Variants in C6orf120 observed in about 807,000 individuals in gnomAD.
C6orf120 encodes chromosome 6 open reading frame 120.
For synonymous variants in C6orf120, 165 were observed against 123.1 expected (o/e 1.34, Z -2.25); for missense variants, 311 against 264.2 (o/e 1.18, Z -1.23).
At position 169,702,759 on chromosome 6, in the gene C6orf120, C is replaced by T. The variant is rs752128146; in HGVS notation, c.300C>T (p.Gly100=). The change falls in exon 1 of 1, where the codon GGC becomes GGT. Residue 100 remains glycine (G), a synonymous_variant. Coordinates refer to ENST00000332290, the Ensembl canonical transcript of C6orf120. Reference sequence around the variant, plus strand: ...ACGAGCTGCAATCGGCCACCTGCGGCCCGGACGCCGTGTCCATCCCCGCGC... The same window carrying T: ...ACGAGCTGCAATCGGCCACCTGCGGTCCGGACGCCGTGTCCATCCCCGCGC... 13 of 1,613,324 alleles carry T rather than the reference C, an allele frequency of 8.1e-6. No homozygotes were observed. The Admixed American group carries it at 2.2e-4, about 27-fold the overall frequency.
chr6:169,702,178 C>T (rs766305104), upstream of C6orf120: 1 of 654,214 alleles, frequency 1.5e-6, no homozygotes, highest in Non-Finnish European at 2.8e-6. Flanking sequence ...TAAAGCGCGG[C>T]CCCCTGCGGG....
At chr6:169,703,251 C>G (rs1264079470) in exon 1 of C6orf120, 2 of 608,810 alleles carry the variant, frequency 3.3e-6, no homozygotes, top group African/African-American at 3.7e-5. Flanking sequence ...TATAAAAGGA[C>G]TGTGCACAAA....
chr6:169,702,789 C>T, exon 1 of C6orf120: 1 of 1,613,184 alleles, frequency 6.2e-7, no homozygotes, highest in Non-Finnish European at 8.5e-7. Context: ...CCGCGCACTT[C>T]CGGCGCCCAG....
exon 1 of C6orf120, chr6:169,702,648 C>T: frequency 6.2e-7 from 1 of 1,613,426 alleles, no homozygotes; most frequent in Non-Finnish European, 8.5e-7. Context: ...ACCACGAGGG[C>T]AAGATAGTCC....
chr6:169,704,070 C>T, exon 1 of C6orf120: 1 of 1,582,688 alleles, frequency 6.3e-7, no homozygotes, highest in African/African-American at 1.4e-5. Context: ...CCGCTGACAA[C>T]AGTCACAAAT....
chr6:169,702,318 G>A (rs1460126652), exon 1 of C6orf120: 6 of 651,232 alleles, frequency 9.2e-6, no homozygotes, highest in South Asian at 6.9e-5. Flanking sequence ...GGGTGGGAAG[G>A]GACAGTCCCA....
At chr6:169,703,687 G>A in exon 1 of C6orf120, 1 of 337,830 alleles carries the variant, frequency 3.0e-6, no homozygotes, top group Non-Finnish European at 5.6e-6. Flanking sequence ...ACCTATGGTA[G>A]GCCGGAAACA....
At chr6:169,702,725 T>G in exon 1 of C6orf120, 1 of 1,613,538 alleles carries the variant, frequency 6.2e-7, no homozygotes, top group Non-Finnish European at 8.5e-7. Context: ...CACCCCAGCT[T>G]CGACGACTAC....
downstream of C6orf120, among the ~76,000 whole-genome samples, chr6:169,706,303 CTT>C (rs373331512): frequency 1.6e-3 from 245 of 148,940 alleles, 1 homozygote; most frequent in African/African-American, 5.9e-3. Flanking sequence ...TTGTGGAAAA[CTT>C]AGTTGTGTGA....
At chr6:169,702,699 C>T (rs756364553) in exon 1 of C6orf120, 3 of 1,613,384 alleles carry the variant, frequency 1.9e-6, no homozygotes, top group African/African-American at 2.7e-5. Flanking sequence ...ATCTGTACGT[C>T]TCCGCCAGCA....
rs370407642 is a variant in C6orf120, at chr6:169,704,121, A to C, written c.*1086A>C. On this transcript the variant is annotated 3_prime_UTR_variant, in exon 1 of 1. Transcript: ENST00000332290. ...AAAAATTGTTAATATAGAATGAAAA[A>C]TTATCTTTACAGGACTGAATTTTAA... 2.2e-4 allele frequency: 331 copies of C among 1,526,864 alleles called. 2 individuals carry two copies. In the South Asian group the frequency reaches 3.4e-3, roughly 15 times the overall value. 94.6% of individuals were successfully genotyped at this position (1,526,864 alleles called of 1,614,324 possible).
chr6:169,702,555 G>A (rs755287679), exon 1 of C6orf120: 30 of 1,612,636 alleles, frequency 1.9e-5, no homozygotes, highest in Non-Finnish European at 2.5e-5. Context: ...GCGCGGACGA[G>A]GAGGAGGTCC....
At chr6:169,704,177 A>G (rs946631625) in exon 1 of C6orf120, 1 of 897,308 alleles carries the variant, frequency 1.1e-6, no homozygotes, top group Admixed American at 3.4e-5. Flanking sequence ...CTTAGCTATC[A>G]CTAATGATAT....
chr6:169,702,682 G>T (rs753153036), exon 1 of C6orf120: 1 of 1,613,532 alleles, frequency 6.2e-7, no homozygotes, highest in Non-Finnish European at 8.5e-7. Flanking sequence ...CCTCAAGGGA[G>T]ATGCGGATCT....
At chr6:169,702,341 G>T (rs909043634) in exon 1 of C6orf120, 10 of 651,836 alleles carry the variant, frequency 1.5e-5, no homozygotes, top group Admixed American at 5.7e-5. Context: ...GACAGACCAG[G>T]CGCCTGGACG....
At position 169,702,439 on chromosome 6, in the gene C6orf120, C is replaced by T. The variant is rs185358680; in HGVS notation, c.-21C>T. ...CAGCAGCACTGACCCACTTGCAGGC[C>T]CCGGAGCTGAGCCGCCAGCCATGGC... On this transcript the variant is annotated 5_prime_UTR_variant, in exon 1 of 1. Coordinates refer to ENST00000332290, the Ensembl canonical transcript of C6orf120. 470 of 1,454,196 alleles carry T rather than the reference C, an allele frequency of 3.2e-4. 5 individuals are homozygous for T. In the East Asian group the frequency reaches 6.1e-3, roughly 19 times the overall value. 90.1% of individuals were successfully genotyped at this position (1,454,196 alleles called of 1,614,324 possible). A position where few individuals can be genotyped will look rare whatever the true frequency, so the allele number is the denominator to read the frequency against.
exon 1 of C6orf120, chr6:169,704,004 T>C (rs1461231371): frequency 3.8e-6 from 6 of 1,598,762 alleles, no homozygotes; most frequent in South Asian, 1.1e-5. Context: ...AAAACTATTT[T>C]ATCCCTCTTT....
At chr6:169,702,924 T>A (rs2128327146) in exon 1 of C6orf120, 3 of 1,612,676 alleles carry the variant, frequency 1.9e-6, no homozygotes, top group Non-Finnish European at 2.5e-6. Flanking sequence ...ACGGCGCAGA[T>A]GCCGGCCAGA....
At chr6:169,705,436 C>A, downstream of C6orf120, 2 of 771,800 alleles carry the variant, frequency 2.6e-6, no homozygotes, top group Non-Finnish European at 4.3e-6. Context: ...GTCAAATCGC[C>A]AAAGAGAAAT....
Sources: allele counts gnomAD v4.1 joint callset (sites outside exome capture counted in the v4.1 genomes callset), GRCh38; gene constraint gnomAD v4.1.1; transcripts MANE v1.5; gene names NCBI Gene and HGNC (gene_info 2026-07-23, HGNC 2026-07-21).